PTPN13: variants seen among roughly 807,000 people sequenced by gnomAD.
PTPN13 encodes protein tyrosine phosphatase non-receptor type 13, also known as tyrosine-protein phosphatase non-receptor type 13.
In PTPN13, 191 loss-of-function variants were observed where a neutral mutation model predicts 284.0. The ratio of observed to expected loss-of-function variants is 0.67; its 90% confidence interval spans 0.60 to 0.76. PTPN13 has a LOEUF of 0.76. PTPN13 is among the 30% of genes least tolerant of loss of function. PTPN13 has a pLI of 0.00. For missense variants in PTPN13, 2,797 were observed against 2,939.9 expected, an observed-to-expected ratio of 0.95 and a Z score of 1.12; for synonymous variants, 986 against 1,022.3, an observed-to-expected ratio of 0.96 and a Z score of 0.68.
At chr4:86,798,580 G>A (rs1578703700) in intron 41 of PTPN13, among the ~76,000 whole-genome samples, 1 of 151,586 alleles carries the variant, frequency 6.6e-6, no homozygotes, top group East Asian at 1.9e-4. Context: ...TTACCAAAGA[G>A]GGCATCTGTT....
intron 10 of PTPN13, among the ~76,000 whole-genome samples, chr4:86,727,173 C>G (rs1734369546): frequency 6.7e-6 from 1 of 149,188 alleles, no homozygotes; most frequent in Non-Finnish European, 1.5e-5. Context: ...CCACTTGATC[C>G]TGGTGGATAA....
Position 86,755,370 on chromosome 4 carries a change from A to G in PTPN13, c.3223+2305A>G, listed in dbSNP as rs899741505. Reference sequence around the variant, plus strand: ...AAAGTTGCTCAACTTAAAAAAAAAAACACTGGTTATTTTCCTTTGTAAGAG... The same window carrying G: ...AAAGTTGCTCAACTTAAAAAAAAAAGCACTGGTTATTTTCCTTTGTAAGAG... On this transcript the variant is annotated intron_variant, in intron 20 of 47. Coordinates refer to ENST00000411767, the MANE Select transcript of PTPN13 (RefSeq NM_080683.3). Among the ~76,000 whole-genome samples the G allele has an allele frequency of 4.6e-5, 7 of 151,818 alleles. No homozygotes were observed. In the East Asian group the frequency reaches 1.4e-3, roughly 29 times the overall value.
At chr4:86,633,774 T>C (rs1722721044) in intron 1 of PTPN13, among the ~76,000 whole-genome samples, 1 of 152,182 alleles carries the variant, frequency 6.6e-6, no homozygotes, top group South Asian at 2.1e-4. Context: ...CTCACATATC[T>C]TTAGAAAGGA....
intron 5 of PTPN13, 78 bp downstream of exon 5, chr4:86,689,268 T>C: frequency 8.6e-7 from 1 of 1,169,096 alleles, no homozygotes; most frequent in South Asian, 1.6e-5. Flanking sequence ...TTAAGGATAC[T>C]ATATAGGTAG....
chr4:86,602,691 C>G (rs1383465799), intron 1 of PTPN13, among the ~76,000 whole-genome samples: 1 of 150,112 alleles, frequency 6.7e-6, no homozygotes, highest in African/African-American at 2.5e-5. Context: ...AATTATTTTT[C>G]TGATTTTTTT....
At chr4:86,787,547 A>G (rs1234561174) in intron 40 of PTPN13, among the ~76,000 whole-genome samples, 1 of 151,768 alleles carries the variant, frequency 6.6e-6, no homozygotes, top group Non-Finnish European at 1.5e-5. Context: ...AGCCGAAATC[A>G]CGCCATTGCC....
chr4:86,691,993 G>A (rs574702160), intron 5 of PTPN13, among the ~76,000 whole-genome samples: 2 of 152,152 alleles, frequency 1.3e-5, no homozygotes, highest in Non-Finnish European at 2.9e-5. Context: ...ATAATAATAT[G>A]TGTCAATCAT....
chr4:86,789,748 A>G (rs1742400072), intron 40 of PTPN13, among the ~76,000 whole-genome samples: 1 of 152,142 alleles, frequency 6.6e-6, no homozygotes, highest in Admixed American at 6.5e-5. Flanking sequence ...AGTGACAAGA[A>G]ACTGAAGGCC....
Position 86,751,024 on chromosome 4 carries a change from C to G in PTPN13, c.3069-3C>G. Reference sequence around the variant, plus strand: ...CCCTCCTACCTTCCTTTTCCCTCTTCAGTTCAAAGTCTGTTGCGAGTTTAA... The same window carrying G: ...CCCTCCTACCTTCCTTTTCCCTCTTGAGTTCAAAGTCTGTTGCGAGTTTAA... On this transcript the variant is annotated splice_region_variant and splice_polypyrimidine_tract_variant and intron_variant, in intron 18 of 47. Transcript: ENST00000411767. 2 of 1,598,860 alleles carry G rather than the reference C, an allele frequency of 1.3e-6. No individual in the cohort carries two copies. The highest frequency in any genetic ancestry group is 1.7e-4 in the Middle Eastern group (1 of 6,030).
At chr4:86,681,950 G>GA (rs1379915523) in intron 3 of PTPN13, among the ~76,000 whole-genome samples, 5 of 151,826 alleles carry the variant, frequency 3.3e-5, no homozygotes. Flanking sequence ...AAAAAGGAAA[G>GA]AAAAAAGGAA....
chr4:86,648,274 TGTTAATTGTA>T (rs2148793375), intron 2 of PTPN13, among the ~76,000 whole-genome samples: 1 of 152,298 alleles, frequency 6.6e-6, no homozygotes, highest in Admixed American at 6.5e-5. Context: ...TGCAATAAAT[TGTTAATTGTA>T]GTTGCCCTAT....
Position 86,775,309 on chromosome 4 carries a change from G to A in PTPN13, c.5647G>A (p.Asp1883Asn). ...ACCAATGTTGCCTCATTTGCTACCG[G>A]ACATAACACTAACGTGCAACAAAGA... The part of the protein sequence containing the change: ...RIPMLPHLLP[D>N]ITLTCNKEEL... The change falls in exon 34 of 48, where the codon GAC (aspartate) becomes AAC (asparagine). Residue 1883 changes from aspartate to asparagine, a missense_variant. By Grantham distance (23) the Asp-to-Asn change is conservative (BLOSUM62 1). Coordinates refer to ENST00000411767, the MANE Select transcript of PTPN13 (RefSeq NM_080683.3). 1 of 1,612,824 alleles carries A rather than the reference G, an allele frequency of 6.2e-7. No homozygotes were observed. Among genetic ancestry groups the A allele is most frequent in the Non-Finnish European group, 8.5e-7 (1 of 1,179,530 alleles).
Position 86,716,982 on chromosome 4 carries a change from T to C in PTPN13, c.1292-42T>C, listed in dbSNP as rs551238694. The stretch of plus-strand genomic sequence containing the variant: ...GTTTTAAATGAAATTACTCTCATGT[T>C]TCTATCACCTGTGCCATTATTTCTT... On this transcript the variant is annotated intron_variant, in intron 8 of 47. Coordinates refer to ENST00000411767, the MANE Select transcript of PTPN13 (RefSeq NM_080683.3). 5.1e-6 allele frequency: 7 copies of C among 1,372,618 alleles called. No individual in the cohort carries two copies. The Admixed American group carries it at 1.2e-4, about 24-fold the overall frequency. 85.0% of individuals were successfully genotyped at this position (1,372,618 alleles called of 1,614,324 possible). A position where few individuals can be genotyped will look rare whatever the true frequency, so the allele number is the denominator to read the frequency against.
intron 23 of PTPN13, among the ~76,000 whole-genome samples, chr4:86,761,808 T>G (rs774197285): frequency 2.5e-4 from 38 of 152,240 alleles, no homozygotes; most frequent in Non-Finnish European, 1.2e-4. Context: ...TCTTTGTTTA[T>G]TGTTTGTTGT....
At chr4:86,618,402 C>T (rs896760760) in intron 1 of PTPN13, among the ~76,000 whole-genome samples, 25 of 152,130 alleles carry the variant, frequency 1.6e-4, no homozygotes, top group Admixed American at 4.6e-4. Flanking sequence ...ATTGACTTGG[C>T]GATGTGGGCT....
At chr4:86,689,624 T>A (rs1379926926) in intron 5 of PTPN13, 1 of 702,054 alleles carries the variant, frequency 1.4e-6, no homozygotes, top group East Asian at 2.7e-5. Context: ...TTCTAGGTAT[T>A]TCCCAAACCT....
chr4:86,672,276 A>G (rs771263951), intron 2 of PTPN13, 89 bp from the exon 3 acceptor site: 27 of 1,096,622 alleles, frequency 2.5e-5, no homozygotes, highest in Non-Finnish European at 3.4e-5. Flanking sequence ...TGCATTATCC[A>G]TTGAAGTGAT....
chr4:86,760,833 A>G (rs1394599491), intron 23 of PTPN13, among the ~76,000 whole-genome samples: 1 of 152,082 alleles, frequency 6.6e-6, no homozygotes, highest in Admixed American at 6.6e-5. Flanking sequence ...CATGGTATGT[A>G]ACTATTCTGT....
chr4:86,757,409 T>G (rs934912483), intron 20 of PTPN13, among the ~76,000 whole-genome samples: 1 of 152,146 alleles, frequency 6.6e-6, no homozygotes, highest in African/African-American at 2.4e-5. Context: ...AAATAAAATT[T>G]GAAATGAATG....
Sources: allele counts gnomAD v4.1 joint callset (sites outside exome capture counted in the v4.1 genomes callset), GRCh38; gene constraint gnomAD v4.1.1; transcripts MANE v1.5; gene names NCBI Gene and HGNC (gene_info 2026-07-23, HGNC 2026-07-21).